SSH2: variants seen among roughly 807,000 people sequenced by gnomAD.
The protein encoded by SSH2 is slingshot protein phosphatase 2.
SSH2 carries 37 observed loss-of-function variants against 135.2 expected under a neutral mutation model. The ratio of observed to expected loss-of-function variants is 0.27; its 90% CI spans 0.21 to 0.36. The LOEUF (loss-of-function observed/expected upper bound fraction) is 0.36, where lower values mean the gene tolerates loss of function less well. Among genes scored for constraint, SSH2 ranks in the 10% least tolerant of loss-of-function variants. The pLI is 1.00. For missense variants in SSH2, 1,408 were observed against 1,765.3 expected, an observed-to-expected ratio of 0.80 and a Z score of 3.63; for synonymous variants, 628 against 646.2, an observed-to-expected ratio of 0.97 and a Z score of 0.43.
At chr17:29,927,365 T>C (rs924064700) in intron 1 of SSH2, among the ~76,000 whole-genome samples, 6 of 152,292 alleles carry the variant, frequency 3.9e-5, no homozygotes, top group Non-Finnish European at 8.8e-5. Flanking sequence ...CAATTTCCTA[T>C]ACATCTTAGT....
chr17:29,847,685 T>G (rs138687192), intron 2 of SSH2, among the ~76,000 whole-genome samples: 1 of 152,236 alleles, frequency 6.6e-6, no homozygotes, highest in Admixed American at 6.5e-5. Context: ...CTGAACAAAG[T>G]AGGATCTGTT....
chr17:29,804,831 C>A (rs2042311347), intron 2 of SSH2, among the ~76,000 whole-genome samples: 1 of 149,774 alleles, frequency 6.7e-6, no homozygotes. Flanking sequence ...AGGTGCATAC[C>A]ACCACATCTG....
In SSH2 at chr17:29,631,118, C is replaced by A; in HGVS notation, c.4076G>T (p.Cys1359Phe). 6.2e-7 allele frequency: 1 copy of A among 1,614,230 alleles called. No individual in the cohort carries two copies. The highest frequency in any genetic ancestry group is 8.5e-7 in the Non-Finnish European group (1 of 1,180,040). The change falls in exon 16 of 16, where the codon TGT becomes TTT. Residue 1359 changes from cysteine (C) to phenylalanine (F), a missense_variant. Physicochemically the swap from Cys to Phe is radical, Grantham distance 205. Transcript: ENST00000540801. ...SFVEQLTTTECIVQSKPVERP... is the reference protein window; with the variant it reads ...SFVEQLTTTEFIVQSKPVERP... The stretch of plus-strand genomic sequence containing the variant: ...CTCCACTGGCTTGCTCTGCACAATA[C>A]ACTCTGTTGTTGTGAGTTGTTCTAC...
chr17:29,687,901 G>C (rs548630619), intron 5 of SSH2, among the ~76,000 whole-genome samples: 14 of 152,082 alleles, frequency 9.2e-5, no homozygotes, highest in African/African-American at 3.1e-4. Context: ...GCTGATAAAA[G>C]GAAAAATATA....
At chr17:29,791,917 CTTTTTTTTTTT>C (rs36064413) in intron 3 of SSH2, among the ~76,000 whole-genome samples, 1 of 128,334 alleles carries the variant, frequency 7.8e-6, no homozygotes, top group Non-Finnish European at 1.7e-5. Context: ...TCTTCTTCCT[CTTTTTTTTTTT>C]TTTTTTTTTA....
At chr17:29,888,337 C>T (rs1009853534) in intron 1 of SSH2, among the ~76,000 whole-genome samples, 3 of 152,160 alleles carry the variant, frequency 2.0e-5, no homozygotes, top group South Asian at 2.1e-4. Context: ...CCTAAAATCA[C>T]GAAGTCTAAG....
chr17:29,850,384 C>G (rs2065533367), intron 1 of SSH2, among the ~76,000 whole-genome samples: 1 of 152,196 alleles, frequency 6.6e-6, no homozygotes. Context: ...CTACCAGTGG[C>G]TGAAACTTAT....
At chr17:29,813,155 G>A (rs1435240913) in intron 2 of SSH2, among the ~76,000 whole-genome samples, 2 of 152,144 alleles carry the variant, frequency 1.3e-5, no homozygotes, top group Non-Finnish European at 2.9e-5. Context: ...GGCTGAGGCG[G>A]GTGGATCACT....
chr17:29,730,907 T>G (rs2040168309), intron 3 of SSH2, among the ~76,000 whole-genome samples: 1 of 152,212 alleles, frequency 6.6e-6, no homozygotes, highest in Non-Finnish European at 1.5e-5. Flanking sequence ...AGAATACAGC[T>G]ATTTGAGAAG....
At chr17:29,868,504 G>C (rs145824158) in intron 1 of SSH2, among the ~76,000 whole-genome samples, 31 of 152,222 alleles carry the variant, frequency 2.0e-4, no homozygotes, top group Admixed American at 6.5e-4. Context: ...TTGGGAGGCC[G>C]AGGCGGGCAG....
chr17:29,909,404 T>C (rs1360725031), intron 1 of SSH2, among the ~76,000 whole-genome samples: 1 of 151,638 alleles, frequency 6.6e-6, no homozygotes, highest in African/African-American at 2.4e-5. Flanking sequence ...TAAGGCTCAG[T>C]AGCTGAACTT....
At chr17:29,805,355 C>T (rs1643319957) in intron 2 of SSH2, among the ~76,000 whole-genome samples, 1 of 151,848 alleles carries the variant, frequency 6.6e-6, no homozygotes, top group African/African-American at 2.4e-5. Flanking sequence ...CGGGGTTTCA[C>T]CATGTTAGCC....
intron 1 of SSH2, among the ~76,000 whole-genome samples, chr17:29,913,335 A>ATTAT (rs2066801135): frequency 1.9e-5 from 1 of 53,832 alleles, no homozygotes; most frequent in African/African-American, 5.5e-5. Context: ...AAAAAAAAAA[A>ATTAT]AAAAAAAAAA....
chr17:29,697,083 T>C (rs1438715500), intron 4 of SSH2, among the ~76,000 whole-genome samples: 2 of 152,220 alleles, frequency 1.3e-5, no homozygotes, highest in African/African-American at 4.8e-5. Context: ...GAATCTTCAC[T>C]TGTTCTTATA....
intron 5 of SSH2, among the ~76,000 whole-genome samples, chr17:29,684,979 GTTA>G (rs2038152600): frequency 1.3e-5 from 2 of 152,290 alleles, no homozygotes; most frequent in South Asian, 4.1e-4. Context: ...TAAGATGTTT[GTTA>G]TTAGTGCAAT....
intron 1 of SSH2, among the ~76,000 whole-genome samples, chr17:29,900,839 T>C (rs969555946): frequency 6.6e-6 from 1 of 152,186 alleles, no homozygotes; most frequent in Non-Finnish European, 1.5e-5. Context: ...CGTATGTTCA[T>C]TGCGGCACTA....
At chr17:29,757,686 T>A (rs1249612161) in intron 3 of SSH2, among the ~76,000 whole-genome samples, 2 of 139,066 alleles carry the variant, frequency 1.4e-5, no homozygotes, top group Non-Finnish European at 3.0e-5. Context: ...AGCCTGGGAG[T>A]ATGAGATCAG....
intron 2 of SSH2, among the ~76,000 whole-genome samples, chr17:29,811,345 T>C (rs1379886495): frequency 6.6e-6 from 1 of 152,086 alleles, no homozygotes; most frequent in Non-Finnish European, 1.5e-5. Flanking sequence ...ACGTAATATA[T>C]AATGGTTATT....
intron 1 of SSH2, among the ~76,000 whole-genome samples, chr17:29,884,547 C>T (rs2066198770): frequency 6.6e-6 from 1 of 152,082 alleles, no homozygotes; most frequent in South Asian, 2.1e-4. Context: ...TATCTTACTG[C>T]CTAATTGGAA....
Sources: gnomAD v4.1 joint callset for allele counts (sites outside exome capture counted in the v4.1 genomes callset) on GRCh38, gnomAD v4.1.1 for gene constraint, MANE v1.5 for transcripts, NCBI Gene and HGNC (gene_info 2026-07-23, HGNC 2026-07-21) for gene names.